SLC22A23: variants seen among roughly 807,000 people sequenced by gnomAD.
SLC22A23 encodes ion transporter protein.
A neutral mutation model predicts 61.0 loss-of-function variants in SLC22A23; 26 were observed. The ratio of observed to expected loss-of-function variants is 0.43; its 90% CI spans 0.31 to 0.59. The LOEUF (loss-of-function observed/expected upper bound fraction) is 0.59, where lower values mean the gene tolerates loss of function less well. SLC22A23 is among the 20% of genes least tolerant of loss of function. The pLI is 0.11. For synonymous variants in SLC22A23, 430 were observed against 413.9 expected, an observed-to-expected ratio of 1.04 and a Z score of -0.47; for missense variants, 796 against 934.7, an observed-to-expected ratio of 0.85 and a Z score of 1.94.
In SLC22A23 at chr6:3,269,897, C is replaced by T. The variant is rs934987787; in HGVS notation, c.*3158G>A. ...GGTGGTGTCTGAGTGTGATACTTCC[C>T]TTACGAGGTTTGTTTTTGTTTTCTT... On this transcript the variant is annotated 3_prime_UTR_variant, in exon 10 of 10. Coordinates refer to ENST00000406686, the MANE Select transcript of SLC22A23 (RefSeq NM_015482.2). 6.5e-6 allele frequency: 1 copy of T among 152,816 alleles called. No homozygotes were observed. The highest frequency in any genetic ancestry group is 2.4e-5 in the African/African-American group (1 of 41,454). The allele number at this position is 152,816 out of a possible 1,614,324, so 9.5% of individuals were successfully genotyped here.
intron 4 of SLC22A23, among the ~76,000 whole-genome samples, chr6:3,306,152 G>C (rs1041875176): frequency 3.9e-5 from 6 of 152,134 alleles, no homozygotes; most frequent in Non-Finnish European, 7.3e-5. Context: ...GCAATAGAAG[G>C]GGGAGGTGAC....
intron 3 of SLC22A23, among the ~76,000 whole-genome samples, chr6:3,396,524 G>A (rs545527991): frequency 6.2e-4 from 95 of 152,290 alleles, no homozygotes; most frequent in Non-Finnish European, 1.2e-3. Context: ...ACTCCAGCCT[G>A]GTGACAGAGT....
At chr6:3,418,344 A>T (rs1769877481) in intron 1 of SLC22A23, among the ~76,000 whole-genome samples, 1 of 152,244 alleles carries the variant, frequency 6.6e-6, no homozygotes, top group Admixed American at 6.5e-5. Flanking sequence ...TGCTTCTATG[A>T]GATGGCCAGG....
rs1360680138 is a variant in SLC22A23, at chr6:3,362,423, A to AAAAAAAAAAAAAAAAAAAAAAC, written c.914-38422_914-38421insGTTTTTTTTTTTTTTTTTTTTT. Among the ~76,000 whole-genome samples the AAAAAAAAAAAAAAAAAAAAAAC allele has an allele frequency of 3.4e-5, 2 of 59,558 alleles. 1 individual carries two copies. The highest frequency in any genetic ancestry group is 7.7e-5 in the Non-Finnish European group (2 of 25,872). The allele number at this position is 59,558 out of a possible 152,430, so 39.1% of individuals were successfully genotyped here. A position where few individuals can be genotyped will look rare whatever the true frequency, so the allele number is the denominator to read the frequency against. On this transcript the variant is annotated intron_variant, in intron 3 of 9. Transcript: ENST00000406686. Reference sequence around the variant, plus strand: ...GTCTCACAAAAAAAAAAAATAAAATAAAAAATAAAAAATAAAAATTAGCAT... The same window carrying AAAAAAAAAAAAAAAAAAAAAAC: ...GTCTCACAAAAAAAAAAAATAAAATAAAAAAAAAAAAAAAAAAAAAACAAAAATAAAAAATAAAAATTAGCAT...
At chr6:3,367,084 T>C (rs1556070) in intron 3 of SLC22A23, among the ~76,000 whole-genome samples, 106,806 of 152,126 alleles carry the variant, frequency 0.7, 37,727 homozygotes, top group East Asian at 0.84. Flanking sequence ...CTGTCTCCAC[T>C]AAACATCTGC....
Position 3,309,552 on chromosome 6 carries a change from C to T in SLC22A23, c.1083-11334G>A, listed in dbSNP as rs773343219. Among the ~76,000 whole-genome samples, 7 of 151,734 alleles carry T rather than the reference C, an allele frequency of 4.6e-5. No individual in the cohort carries two copies. Among genetic ancestry groups the T allele is most frequent in the African/African-American group, 9.7e-5 (4 of 41,218 alleles). ...GGGCTGACAAGCAGGTGGCACCTGA[C>T]CATAATAAGGACTGTGGGCTGACGA... is the stretch of plus-strand genomic sequence containing the variant. On this transcript the variant is annotated intron_variant, in intron 4 of 9. Coordinates refer to ENST00000406686, the MANE Select transcript of SLC22A23 (RefSeq NM_015482.2). This position sits in a 1 kb window ranked among gnomAD's most constrained non-coding sequence, Gnocchi z 4.7.
chr6:3,384,387 C>T (rs932583967), intron 3 of SLC22A23, among the ~76,000 whole-genome samples: 4 of 152,136 alleles, frequency 2.6e-5, no homozygotes, highest in African/African-American at 4.8e-5. Flanking sequence ...GTAAAAATTA[C>T]GAATGCTGTA....
intron 3 of SLC22A23, among the ~76,000 whole-genome samples, chr6:3,374,350 C>T (rs1411880408): frequency 6.6e-6 from 1 of 152,174 alleles, no homozygotes; most frequent in East Asian, 1.9e-4. Flanking sequence ...TGAGAATAAC[C>T]ACTGGGGACT....
Position 3,456,949 on chromosome 6 carries a change from G to A in SLC22A23, c.-390C>T, listed in dbSNP as rs1019040926. 1.3e-5 allele frequency: 2 copies of A among 150,276 alleles called. No homozygotes were observed. The highest frequency in any genetic ancestry group is 3.0e-5 in the Non-Finnish European group (2 of 67,082). 9.3% of individuals were successfully genotyped at this position (150,276 alleles called of 1,614,324 possible). ...GCCCTTGCCGGCGGTTCAGGGCCCT[G>A]CGGGCGGCGGTGCGGGCAAAGGCTG... is the stretch of plus-strand genomic sequence containing the variant. On this transcript the variant is annotated 5_prime_UTR_variant, in exon 1 of 10. Coordinates refer to ENST00000406686, the MANE Select transcript of SLC22A23 (RefSeq NM_015482.2). This position sits in a 1 kb window ranked among gnomAD's most constrained non-coding sequence, Gnocchi z 7.1.
chr6:3,341,838 G>C (rs913858498), intron 3 of SLC22A23, among the ~76,000 whole-genome samples: 8 of 151,972 alleles, frequency 5.3e-5, no homozygotes, highest in African/African-American at 1.9e-4. Flanking sequence ...TTTCAGACTG[G>C]GGCCATCCTT....
chr6:3,355,913 AAC>A (rs1765046036), intron 3 of SLC22A23, among the ~76,000 whole-genome samples: 1 of 147,998 alleles, frequency 6.8e-6, no homozygotes, highest in African/African-American at 2.5e-5. Flanking sequence ...CAGAAAAACA[AAC>A]ACAGTACGAC....
At chr6:3,312,529 C>G (rs1581672233) in intron 4 of SLC22A23, 1 of 151,438 alleles carries the variant, frequency 6.6e-6, no homozygotes, top group Non-Finnish European at 1.5e-5. Flanking sequence ...TCCTACTCAC[C>G]TCCTAATGAA....
chr6:3,352,332 GAC>G (rs144064567), intron 3 of SLC22A23, among the ~76,000 whole-genome samples: 8 of 149,924 alleles, frequency 5.3e-5, no homozygotes, highest in African/African-American at 1.5e-4. Flanking sequence ...GACATGCACA[GAC>G]ACACACACAC....
chr6:3,451,486 T>C (rs1374842197), intron 1 of SLC22A23, among the ~76,000 whole-genome samples: 1 of 152,244 alleles, frequency 6.6e-6, no homozygotes, highest in Non-Finnish European at 1.5e-5. Context: ...CGTGAGCCAC[T>C]GCACCCAGCC....
At chr6:3,292,247 G>A (rs909323586) in intron 5 of SLC22A23, among the ~76,000 whole-genome samples, 2 of 152,168 alleles carry the variant, frequency 1.3e-5, no homozygotes, top group Non-Finnish European at 2.9e-5. Flanking sequence ...AGGCCGTGCC[G>A]AGTTCTCCCA....
chr6:3,423,882 G>T (rs1770308017), intron 1 of SLC22A23, among the ~76,000 whole-genome samples: 1 of 151,972 alleles, frequency 6.6e-6, no homozygotes, highest in Admixed American at 6.6e-5. Flanking sequence ...GGGAACTTCT[G>T]CTGGGAGCCT....
intron 9 of SLC22A23, chr6:3,282,451 G>A: frequency 1.6e-6 from 1 of 610,824 alleles, no homozygotes; most frequent in East Asian, 2.8e-5. Flanking sequence ...ATCAAAAAGT[G>A]TGGACGTGAA....
rs1772380244 is a variant in SLC22A23 at position 3,455,927 on chromosome 6, G to C, written c.633C>G (p.Leu211=). The change falls in exon 1 of 10, where the codon CTC becomes CTG. Residue 211 remains leucine (L), a synonymous_variant. Transcript: ENST00000406686. ...RAWDYGIRAG[L]VQNVVSKWDL... ...TTACCTTGCTGACCACGTTCTGGAC[G>C]AGGCCGGCGCGGATGCCGTAGTCCC... 2 of 1,515,032 alleles carry C rather than the reference G, an allele frequency of 1.3e-6. No individual in the cohort carries two copies. The highest frequency in any genetic ancestry group is 1.4e-5 in the African/African-American group (1 of 72,558). The allele number at this position is 1,515,032 out of a possible 1,614,324, so 93.8% of individuals were successfully genotyped here.
intron 3 of SLC22A23, among the ~76,000 whole-genome samples, chr6:3,391,904 T>C (rs1275791363): frequency 1.3e-5 from 2 of 151,678 alleles, no homozygotes; most frequent in Non-Finnish European, 2.9e-5. Flanking sequence ...GAAAGGTGAG[T>C]ACAAAGGAAC....
Sources: gnomAD v4.1 joint callset for allele counts (sites outside exome capture counted in the v4.1 genomes callset) on GRCh38, gnomAD v4.1.1 for gene constraint, Gnocchi (gnomAD v3.1) non-coding constraint, MANE v1.5 for transcripts, NCBI Gene and HGNC (gene_info 2026-07-23, HGNC 2026-07-21) for gene names.